The following SBNO1 variants were observed in gnomAD, a reference collection of about 807,000 sequenced individuals.
SBNO1 encodes protein strawberry notch homolog 1.
Under a neutral mutation model 173.6 loss-of-function variants are expected in SBNO1, and 23 were observed. That is an observed-to-expected ratio of 0.13 (90% confidence interval 0.10 to 0.19). SBNO1 has a LOEUF of 0.19. Among genes scored for constraint, SBNO1 ranks in the 10% least tolerant of loss-of-function variants. The pLI, the probability that SBNO1 is intolerant of heterozygous loss-of-function variation, is 1.00. For synonymous variants in SBNO1, 632 were observed against 571.5 expected (o/e 1.11, Z -1.51); for missense variants, 1,238 against 1,671.2 (o/e 0.74, Z 4.52).
chr12:123,316,378 C>T (rs150012755), intron 21 of SBNO1, among the ~76,000 whole-genome samples: 57 of 152,184 alleles, frequency 3.7e-4, no homozygotes, highest in African/African-American at 1.3e-3. Context: ...GCATGCACCA[C>T]CACGCCCGGC....
At position 123,321,509 on chromosome 12, in the gene SBNO1, G is replaced by A. The variant is rs143790792; in HGVS notation, c.2323+26C>T. On this transcript the variant is annotated intron_variant, in intron 17 of 31. Coordinates refer to ENST00000602398, the MANE Select transcript of SBNO1 (RefSeq NM_001167856.3). ...ATATACTGAAATATTATATGCTTTCGTGTATATTTAATATACTGAACTTAC... is the reference window on the plus strand; with the variant it reads ...ATATACTGAAATATTATATGCTTTCATGTATATTTAATATACTGAACTTAC... 124 of 1,458,684 alleles carry A rather than the reference G, an allele frequency of 8.5e-5. No homozygotes were observed. In the African/African-American group the frequency reaches 1.3e-3, roughly 15 times the overall value. 90.4% of individuals were successfully genotyped at this position (1,458,684 alleles called of 1,614,324 possible). A position where few individuals can be genotyped will look rare whatever the true frequency, so the allele number is the denominator to read the frequency against.
At chr12:123,340,369 T>C (rs1008947496) in intron 5 of SBNO1, among the ~76,000 whole-genome samples, 2 of 151,960 alleles carry the variant, frequency 1.3e-5, no homozygotes, top group African/African-American at 2.4e-5. Flanking sequence ...TTACCTGAGG[T>C]CAGGAGTTCG....
At chr12:123,313,762 G>T (rs1415888694) in intron 23 of SBNO1, 43 bp from the exon 24 acceptor site, 1 of 1,172,654 alleles carries the variant, frequency 8.5e-7, no homozygotes, top group Non-Finnish European at 1.3e-6. Context: ...TCAGCATTTG[G>T]ATACTCTTCA....
chr12:123,354,196 A>T (rs1874181313), intron 1 of SBNO1, among the ~76,000 whole-genome samples: 1 of 152,158 alleles, frequency 6.6e-6, no homozygotes, highest in Non-Finnish European at 1.5e-5. Flanking sequence ...ACTCACTCAT[A>T]GGAATCACAA....
chr12:123,314,689 G>C (rs1732478595), intron 23 of SBNO1, among the ~76,000 whole-genome samples: 1 of 151,804 alleles, frequency 6.6e-6, no homozygotes, highest in Non-Finnish European at 1.5e-5. Context: ...CCAGGCTGGA[G>C]TGCAGTGGCA....
chr12:123,294,097 C>A lies in SBNO1; in HGVS notation c.*1811G>T, dbSNP rs1748109207. On this transcript the variant is annotated 3_prime_UTR_variant, in exon 32 of 32. Coordinates refer to ENST00000602398, the MANE Select transcript of SBNO1 (RefSeq NM_001167856.3). ...TGGATCACTGCCTGAGATATATGAA[C>A]TGGACTGAGGATAGAAGTTGCATCC... 5 of 152,232 alleles carry A rather than the reference C, an allele frequency of 3.3e-5. No individual in the cohort carries two copies. The highest frequency in any genetic ancestry group is 3.3e-4 in the Admixed American group (5 of 15,280). 9.4% of individuals were successfully genotyped at this position (152,232 alleles called of 1,614,324 possible). A position where few individuals can be genotyped will look rare whatever the true frequency, so the allele number is the denominator to read the frequency against.
At chr12:123,359,351 CCTGGCCAACATATACA>C (rs1290736409) in intron 1 of SBNO1, among the ~76,000 whole-genome samples, 6 of 151,758 alleles carry the variant, frequency 4.0e-5, no homozygotes, top group Non-Finnish European at 8.8e-5. Flanking sequence ...TCGAGACCAG[CCTGGCCAACATATACA>C]CTGGCCAACA....
chr12:123,351,978 G>T (rs1196500938), intron 1 of SBNO1, among the ~76,000 whole-genome samples: 2 of 151,996 alleles, frequency 1.3e-5, no homozygotes, highest in African/African-American at 4.8e-5. Flanking sequence ...TTGCCGGGGT[G>T]GGGGGCTAAA....
chr12:123,308,243 C>A (rs2048969756), intron 28 of SBNO1, among the ~76,000 whole-genome samples: 1 of 151,890 alleles, frequency 6.6e-6, no homozygotes. Flanking sequence ...GCACACACAC[C>A]CCTTAGTTCT....
rs144206914 is a variant in SBNO1, at chr12:123,354,942, C to G, written c.1-4501G>C. Among the ~76,000 whole-genome samples the G allele has an allele frequency of 4.7e-3, 714 of 152,310 alleles. 4 individuals are homozygous for G. The highest frequency in any genetic ancestry group is 0.017 in the African/African-American group (690 of 41,560). On this transcript the variant is annotated intron_variant, in intron 1 of 31. Coordinates refer to ENST00000602398, the MANE Select transcript of SBNO1 (RefSeq NM_001167856.3). The stretch of plus-strand genomic sequence containing the variant: ...CGGTGACTCACACCTATAATCCCAG[C>G]ATTTTGGGAGGCTAAGGAAGGAGGA...
chr12:123,300,221 T>TAA (rs1362288220), intron 30 of SBNO1, among the ~76,000 whole-genome samples: 10 of 152,214 alleles, frequency 6.6e-5, no homozygotes, highest in Admixed American at 6.5e-4. Context: ...AAATGTTTGT[T>TAA]GTTTTTTAAG....
intron 5 of SBNO1, 45 bp downstream of exon 5, chr12:123,340,943 C>T (rs1376706589): frequency 1.7e-6 from 2 of 1,202,476 alleles, no homozygotes; most frequent in Admixed American, 3.8e-5. Context: ...GTTGAGTACA[C>T]TCTCATACTA....
At chr12:123,303,796 A>C (rs1299625513) in intron 29 of SBNO1, among the ~76,000 whole-genome samples, 1 of 152,022 alleles carries the variant, frequency 6.6e-6, no homozygotes, top group Non-Finnish European at 1.5e-5. Flanking sequence ...TGAGTTCCAG[A>C]CCAGCTCAGC....
In SBNO1 at chr12:123,291,703, A is replaced by T. The variant is rs185069020; in HGVS notation, c.*4205T>A. 78 of 149,300 alleles carry T rather than the reference A, an allele frequency of 5.2e-4. No homozygotes were observed. In the Middle Eastern group the frequency reaches 0.01, roughly 20 times the overall value. The allele number at this position is 149,300 out of a possible 1,614,324, so 9.2% of individuals were successfully genotyped here. On this transcript the variant is annotated 3_prime_UTR_variant, in exon 32 of 32. Transcript: ENST00000602398. ...TTAAAAAAAAAAAAAAAAAAAAGTC[A>T]TAAGATGCCCCATATGGGAAAGTCA...
At chr12:123,328,387 T>A (rs542797254) in intron 10 of SBNO1, among the ~76,000 whole-genome samples, 1 of 152,234 alleles carries the variant, frequency 6.6e-6, no homozygotes, top group Non-Finnish European at 1.5e-5. Context: ...TTAAAAGATA[T>A]ACTGTGAACA....
At chr12:123,329,939 T>C (rs957391969) in intron 9 of SBNO1, among the ~76,000 whole-genome samples, 3 of 152,196 alleles carry the variant, frequency 2.0e-5, no homozygotes, top group South Asian at 2.1e-4. Flanking sequence ...GCTTACAGAA[T>C]TGTTTTCATG....
chr12:123,327,633 C>G, intron 12 of SBNO1, 54 bp from the exon 13 acceptor site: 2 of 1,594,932 alleles, frequency 1.3e-6, no homozygotes, highest in South Asian at 1.1e-5. Flanking sequence ...TTTTAACATA[C>G]AGAGAATGGG....
At chr12:123,297,542 C>T (rs969333851) in intron 31 of SBNO1, among the ~76,000 whole-genome samples, 4 of 151,936 alleles carry the variant, frequency 2.6e-5, no homozygotes, top group Non-Finnish European at 4.4e-5. Flanking sequence ...TTCCTGGACA[C>T]CTGTAGTTGA....
chr12:123,340,302 C>T (rs1266334938), intron 5 of SBNO1, among the ~76,000 whole-genome samples: 1 of 151,998 alleles, frequency 6.6e-6, no homozygotes, highest in Non-Finnish European at 1.5e-5. Flanking sequence ...CTAACCAGGC[C>T]GGGTGCAGTG....
Sources: gnomAD v4.1 joint callset for allele counts (sites outside exome capture counted in the v4.1 genomes callset) on GRCh38, gnomAD v4.1.1 for gene constraint, MANE v1.5 for transcripts, NCBI Gene and HGNC (gene_info 2026-07-23, HGNC 2026-07-21) for gene names.